Variants in TFF1 observed in about 807,000 individuals in gnomAD.
TFF1 encodes the protein trefoil factor 1.
TFF1 carries 8 observed loss-of-function variants against 7.7 expected under a neutral mutation model. That is an observed-to-expected ratio of 1.04 (90% CI 0.61 to 1.87). The LOEUF is 1.87. TFF1 is among the 40% of genes most tolerant of loss of function. The pLI is 0.00. For missense variants in TFF1, 120 were observed against 113.4 expected (o/e 1.06, Z -0.26); for synonymous variants, 47 against 44.8 (o/e 1.05, Z -0.19).
rs141090896 is a variant in TFF1 at position 42,363,305 on chromosome 21, C to G, written c.188G>C (p.Arg63Pro). The G allele has an allele frequency of 2.5e-6, 4 of 1,614,214 alleles. No homozygotes were observed. The highest frequency in any genetic ancestry group is 1.3e-5 in the African/African-American group (1 of 75,058). Residue 63 changes from arginine to proline, a missense_variant, in exon 2 of 3, where the codon CGT becomes CCT. Physicochemically the swap from Arg to Pro is moderately radical, Grantham distance 103. Coordinates refer to ENST00000291527, the MANE Select transcript of TFF1 (RefSeq NM_003225.3). ...AGGATAGAAGCACCAGGGGACCCCA[C>G]GAACGGTGTCGTCGAAACAGCAGCC... Reference protein sequence around the residue: ...NKGCCFDDTVRGVPWCFYPNT... With the variant: ...NKGCCFDDTVPGVPWCFYPNT...
intron 1 of TFF1, among the ~76,000 whole-genome samples, chr21:42,365,791 C>T (rs1537117): frequency 6.6e-6 from 1 of 152,162 alleles, no homozygotes; most frequent in Non-Finnish European, 1.5e-5. Flanking sequence ...TGGCCTCCTC[C>T]TCCACTCCCT....
Position 42,362,366 on chromosome 21 carries a change from G to T in TFF1, c.*113C>A. On this transcript the variant is annotated 3_prime_UTR_variant, in exon 3 of 3. Coordinates refer to ENST00000291527, the MANE Select transcript of TFF1 (RefSeq NM_003225.3). ...AATCTGTGTTGTGAGCCGAGGCACA[G>T]CTGCAGAAGCGTGTCTGAGGTGTCC... The T allele has an allele frequency of 1.6e-6, 2 of 1,241,492 alleles. No individual in the cohort carries two copies. Among genetic ancestry groups the T allele is most frequent in the Non-Finnish European group, 2.2e-6 (2 of 892,458 alleles). 76.9% of individuals were successfully genotyped at this position (1,241,492 alleles called of 1,614,324 possible).
chr21:42,366,249 A>G (rs2052278306), intron 1 of TFF1, among the ~76,000 whole-genome samples, 162 bp downstream of exon 1: 1 of 152,114 alleles, frequency 6.6e-6, no homozygotes, highest in Non-Finnish European at 1.5e-5. Flanking sequence ...GTTACTCTCC[A>G]CCTGCTTTTG....
chr21:42,366,386 C>T (rs2052279163), intron 1 of TFF1, 25 bp downstream of exon 1: 1 of 1,572,660 alleles, frequency 6.4e-7, no homozygotes, highest in Non-Finnish European at 8.7e-7. Context: ...TGTGGCCCCA[C>T]AGAGCAGGAA....
At chr21:42,362,736 C>T (rs758707151) in intron 2 of TFF1, among the ~76,000 whole-genome samples, 15 of 151,762 alleles carry the variant, frequency 9.9e-5, no homozygotes, top group Non-Finnish European at 1.8e-4. Flanking sequence ...GGTGAAACCC[C>T]GTCTATACTA....
chr21:42,365,715 G>A (rs2052274301), intron 1 of TFF1, among the ~76,000 whole-genome samples: 3 of 152,208 alleles, frequency 2.0e-5, no homozygotes, highest in African/African-American at 7.2e-5. Flanking sequence ...CAGCCCTAGG[G>A]CAGACCGTTG....
intron 1 of TFF1, among the ~76,000 whole-genome samples, chr21:42,365,391 C>A (rs375891829): frequency 1.3e-5 from 2 of 152,156 alleles, no homozygotes; most frequent in East Asian, 3.9e-4. Context: ...AGCTCCCCCG[C>A]TCCCTGCCAT....
rs372565542 is a variant in TFF1 at position 42,363,386 on chromosome 21, C to A, written c.107G>T (p.Arg36Leu). 10 of 1,614,010 alleles carry A rather than the reference C, an allele frequency of 6.2e-6. No homozygotes were observed. The South Asian group carries it at 1.1e-4, about 18-fold the overall frequency. ...AGGAAAACCACAATTCTGTCTTTCA[C>A]GGGGGGCCACTGTACACGTCTCTGA... The part of the protein sequence containing the change: ...AQTETCTVAP[R>L]ERQNCGFPGV... The change falls in exon 2 of 3, where the codon CGT becomes CTT. Residue 36 changes from arginine (R) to leucine (L), a missense_variant. Physicochemically the swap from Arg to Leu is moderately radical, Grantham distance 102. Coordinates refer to ENST00000291527, the MANE Select transcript of TFF1 (RefSeq NM_003225.3).
intron 1 of TFF1, among the ~76,000 whole-genome samples, chr21:42,364,405 C>G (rs1168204566): frequency 6.6e-6 from 1 of 152,030 alleles, no homozygotes; most frequent in Non-Finnish European, 1.5e-5. Context: ...TAGGAGGAGC[C>G]GACAGAGGGT....
chr21:42,364,028 A>G (rs1417112513), intron 1 of TFF1, among the ~76,000 whole-genome samples: 1 of 151,108 alleles, frequency 6.6e-6, no homozygotes, highest in African/African-American at 2.4e-5. Flanking sequence ...AATCACTTGA[A>G]CCCAGGAGGC....
At chr21:42,363,152 T>C (rs1413319099) in intron 2 of TFF1, 103 bp downstream of exon 2, 37 of 1,494,372 alleles carry the variant, frequency 2.5e-5, no homozygotes, top group Non-Finnish European at 3.4e-5. Context: ...CGTGACTCTG[T>C]GTAAAGGCAT....
At chr21:42,366,361 G>A in intron 1 of TFF1, 50 bp downstream of exon 1, 1 of 1,444,506 alleles carries the variant, frequency 6.9e-7, no homozygotes, top group Non-Finnish European at 9.6e-7. Flanking sequence ...CCTGGCGGAG[G>A]CTGCCAGAGC....
chr21:42,366,058 G>A (rs1479554699), intron 1 of TFF1, among the ~76,000 whole-genome samples: 2 of 152,156 alleles, frequency 1.3e-5, no homozygotes, highest in Non-Finnish European at 2.9e-5. Flanking sequence ...TGCCCCTGGG[G>A]GAGATGTTGG....
intron 1 of TFF1, among the ~76,000 whole-genome samples, chr21:42,364,476 C>T (rs2052263424): frequency 6.6e-6 from 1 of 152,310 alleles, no homozygotes; most frequent in South Asian, 2.1e-4. Context: ...GAGGAAGACA[C>T]GTGGACAGAT....
chr21:42,363,533 C>A, intron 1 of TFF1, 126 bp from the exon 2 acceptor site: 1 of 1,231,552 alleles, frequency 8.1e-7, no homozygotes. Context: ...GGATATAAAA[C>A]CCTCAGGACA....
chr21:42,363,259 T>A lies in TFF1; in HGVS notation c.234A>T (p.Pro78=). ...CATCGTATAAAAAGGCCATACCTTC[T>A]GGAGGGACGTCGATGGTATTAGGAT... The part of the protein sequence containing the change: ...CFYPNTIDVP[P]EEECEF Residue 78 remains proline (P), a synonymous_variant, in exon 2 of 3, where the codon CCA becomes CCT. Coordinates refer to ENST00000291527, the MANE Select transcript of TFF1 (RefSeq NM_003225.3). The A allele has an allele frequency of 6.2e-7, 1 of 1,614,216 alleles. No homozygotes were observed. The highest frequency in any genetic ancestry group is 8.5e-7 in the Non-Finnish European group (1 of 1,180,048).
chr21:42,366,503 T>C lies in TFF1; in HGVS notation c.-8A>G, dbSNP rs201390428. 1.2e-6 allele frequency: 2 copies of C among 1,608,496 alleles called. No homozygotes were observed. The highest frequency in any genetic ancestry group is 3.3e-5 in the Admixed American group (2 of 59,840). On this transcript the variant is annotated 5_prime_UTR_variant, in exon 1 of 3. Coordinates refer to ENST00000291527, the MANE Select transcript of TFF1 (RefSeq NM_003225.3). ...GTTCTCCATGGTGGCCATTGCCTCCTCTCTGCTCCAAAGGCGACCCCGAGT... is the reference window on the plus strand; with the variant it reads ...GTTCTCCATGGTGGCCATTGCCTCCCCTCTGCTCCAAAGGCGACCCCGAGT...
intron 2 of TFF1, among the ~76,000 whole-genome samples, chr21:42,362,854 G>T (rs954305863): frequency 6.8e-6 from 1 of 146,516 alleles, no homozygotes; most frequent in African/African-American, 2.5e-5. Flanking sequence ...AGCCAAGATC[G>T]CACCATTGCA....
intron 2 of TFF1, among the ~76,000 whole-genome samples, chr21:42,362,894 C>T (rs1360929595): frequency 8.8e-6 from 1 of 113,942 alleles, no homozygotes; most frequent in African/African-American, 3.5e-5. Context: ...GAGCGAGACT[C>T]CATTTCAAAA....
Sources: allele counts gnomAD v4.1 joint callset (sites outside exome capture counted in the v4.1 genomes callset), GRCh38; gene constraint gnomAD v4.1.1; transcripts MANE v1.5; gene names NCBI Gene and HGNC (gene_info 2026-07-23, HGNC 2026-07-21).